Variants in TACC1 observed in about 807,000 individuals in gnomAD.
TACC1 encodes transforming acidic coiled-coil containing protein 1, also known as transforming acidic coiled-coil-containing protein 1.
Under a neutral mutation model 84.4 loss-of-function variants are expected in TACC1, and 48 were observed. The observed-to-expected ratio is 0.57, with a 90% CI of 0.45 to 0.72. The LOEUF is 0.72. TACC1 is among the 30% of genes least tolerant of loss of function. TACC1 has a pLI of 0.00. For synonymous variants in TACC1, 372 were observed against 376.3 expected, an observed-to-expected ratio of 0.99 and a Z score of 0.13; for missense variants, 920 against 973.0, an observed-to-expected ratio of 0.95 and a Z score of 0.72.
chr8:38,733,055 A>AGACT (rs1247048212), intron 1 of TACC1, among the ~76,000 whole-genome samples: 1 of 152,212 alleles, frequency 6.6e-6, no homozygotes, highest in African/African-American at 2.4e-5. Context: ...CTGAGCAAGG[A>AGACT]GACTGTTCCA....
chr8:38,760,051 A>G (rs910665031), intron 3 of TACC1, among the ~76,000 whole-genome samples: 1 of 152,178 alleles, frequency 6.6e-6, no homozygotes, highest in Non-Finnish European at 1.5e-5. Context: ...AAAAAAATAC[A>G]TGAAAGTCAT....
At chr8:38,792,589 C>A (rs1173477541) in intron 2 of TACC1, among the ~76,000 whole-genome samples, 1 of 152,200 alleles carries the variant, frequency 6.6e-6, no homozygotes, top group Non-Finnish European at 1.5e-5. Context: ...CCTCAGCCTC[C>A]CAAGTAGCTA....
chr8:38,779,423 C>T (rs930871190), intron 3 of TACC1, among the ~76,000 whole-genome samples: 22 of 152,228 alleles, frequency 1.4e-4, no homozygotes, highest in Non-Finnish European at 1.5e-5. Flanking sequence ...TGGGGAAGGG[C>T]ACACCCTGCC....
intron 1 of TACC1, 26 bp from the exon 2 acceptor site, chr8:38,788,678 A>G: frequency 6.5e-7 from 1 of 1,539,666 alleles, no homozygotes; most frequent in South Asian, 1.1e-5. Flanking sequence ...TGAAAGTGGT[A>G]ATTCCTCATT....
intron 3 of TACC1, among the ~76,000 whole-genome samples, chr8:38,767,147 A>G (rs1260557184): frequency 6.6e-6 from 1 of 152,248 alleles, no homozygotes; most frequent in Non-Finnish European, 1.5e-5. Context: ...TTATGTTTCT[A>G]TGGCTACATC....
upstream of TACC1, chr8:38,785,889 A>T (rs761173007): frequency 4.8e-6 from 1 of 206,666 alleles, no homozygotes; most frequent in Non-Finnish European, 8.5e-6. Context: ...GCATCCTGAC[A>T]CCCCACCCCT....
rs151204541 is a variant in TACC1, at chr8:38,754,030, T to G, written c.26+8537T>G. Among the ~76,000 whole-genome samples, 418 of 151,652 alleles carry G rather than the reference T, an allele frequency of 2.8e-3. 1 individual carries two copies. The highest frequency in any genetic ancestry group is 9.8e-3 in the African/African-American group (404 of 41,296). ...GTGCAGTGGCACGATCTCCGTTCATTGCAACCTCTGCCTCCCGGGTTCAAG... is the reference window on the plus strand; with the variant it reads ...GTGCAGTGGCACGATCTCCGTTCATGGCAACCTCTGCCTCCCGGGTTCAAG... On this transcript the variant is annotated intron_variant, in intron 3 of 14. Transcript: ENST00000518415.
intron 2 of TACC1, among the ~76,000 whole-genome samples, chr8:38,798,262 A>G (rs893749181): frequency 2.6e-5 from 4 of 152,148 alleles, no homozygotes; most frequent in Admixed American, 1.3e-4. Context: ...AGCTGGGACT[A>G]CAGGCGTGTA....
In TACC1 at chr8:38,787,260, C is replaced by T. The variant is rs1185346550; in HGVS notation, c.-323C>T. 9.6e-7 allele frequency: 1 copy of T among 1,044,850 alleles called. No homozygotes were observed. 64.7% of individuals were successfully genotyped at this position (1,044,850 alleles called of 1,614,324 possible). On this transcript the variant is annotated 5_prime_UTR_variant, in exon 1 of 13. Transcript: ENST00000317827. ...GGAGTCCGCGAGCCGGGAGCGGGAG[C>T]AGCAGAGGTCTAGCAGCCGGGCGCC...
At chr8:38,770,016 G>GTCTCACA (rs1813255371) in intron 3 of TACC1, among the ~76,000 whole-genome samples, 1 of 150,884 alleles carries the variant, frequency 6.6e-6, no homozygotes, top group African/African-American at 2.4e-5. Context: ...GCTGGGGGAG[G>GTCTCACA]TGCATGTGTG....
intron 3 of TACC1, among the ~76,000 whole-genome samples, chr8:38,773,971 C>T (rs1814257897): frequency 6.6e-6 from 1 of 152,174 alleles, no homozygotes; most frequent in Non-Finnish European, 1.5e-5. Flanking sequence ...TTTTCAGAGA[C>T]AAGGATGCTT....
chr8:38,846,875 G>C, intron 12 of TACC1, 56 bp downstream of exon 12: 1 of 1,599,448 alleles, frequency 6.3e-7, no homozygotes, highest in Non-Finnish European at 8.5e-7. Context: ...TTCCTCCTCA[G>C]CAGTGACTCA....
At chr8:38,752,374 G>A (rs917236804) in intron 3 of TACC1, among the ~76,000 whole-genome samples, 1 of 152,146 alleles carries the variant, frequency 6.6e-6, no homozygotes, top group African/African-American at 2.4e-5. Flanking sequence ...GGGAGGCTGA[G>A]GGAGGAGAAT....
chr8:38,804,493 G>GT (rs1483312738), intron 2 of TACC1, among the ~76,000 whole-genome samples: 1 of 152,116 alleles, frequency 6.6e-6, no homozygotes, highest in Non-Finnish European at 1.5e-5. Context: ...TAGAGATGGG[G>GT]TTTTGCCATG....
chr8:38,732,325 T>C (rs1041012241), intron 1 of TACC1, among the ~76,000 whole-genome samples: 1 of 151,728 alleles, frequency 6.6e-6, no homozygotes, highest in African/African-American at 2.4e-5. Flanking sequence ...TTTTTTTCAA[T>C]GCCATCTGCT....
intron 3 of TACC1, among the ~76,000 whole-genome samples, chr8:38,759,226 G>C (rs1389753215): frequency 6.6e-6 from 1 of 152,144 alleles, no homozygotes; most frequent in African/African-American, 2.4e-5. Context: ...TTCCTTATGT[G>C]TGAAACAGGA....
At chr8:38,762,835 G>A (rs986440166) in intron 3 of TACC1, among the ~76,000 whole-genome samples, 3 of 152,090 alleles carry the variant, frequency 2.0e-5, no homozygotes, top group African/African-American at 7.2e-5. Context: ...GGGATTACAG[G>A]CATGAGCCCG....
At chr8:38,737,057 G>T (rs1449986157) in intron 1 of TACC1, among the ~76,000 whole-genome samples, 1 of 152,200 alleles carries the variant, frequency 6.6e-6, no homozygotes, top group Non-Finnish European at 1.5e-5. Context: ...CAAGAATTGG[G>T]AGGCCCTAAG....
intron 2 of TACC1, among the ~76,000 whole-genome samples, chr8:38,811,153 T>C (rs1335491706): frequency 1.3e-5 from 2 of 151,708 alleles, no homozygotes; most frequent in Non-Finnish European, 1.5e-5. Context: ...ATTTAAGCTA[T>C]GTTTAAAATT....
Sources: gnomAD v4.1 joint callset for allele counts (sites outside exome capture counted in the v4.1 genomes callset) on GRCh38, gnomAD v4.1.1 for gene constraint, MANE v1.5 for transcripts, NCBI Gene and HGNC (gene_info 2026-07-23, HGNC 2026-07-21) for gene names.